ALK: variants seen among roughly 807,000 people sequenced by gnomAD.
ALK encodes the protein ALK receptor tyrosine kinase, also known as ALK tyrosine kinase receptor.
In ALK, 74 loss-of-function variants were observed where a neutral mutation model predicts 163.1. The observed-to-expected ratio is 0.45, with a 90% CI of 0.38 to 0.55. The LOEUF (loss-of-function observed/expected upper bound fraction) is 0.55, where lower values mean the gene tolerates loss of function less well. Ranked by LOEUF, ALK falls within the 20% of genes least tolerant of loss-of-function variation. The pLI is 0.00. For missense variants in ALK, 2,063 were observed against 2,105.3 expected (o/e 0.98, Z 0.39); for synonymous variants, 960 against 843.2 (o/e 1.14, Z -2.40).
At chr2:29,744,694 G>A (rs1680161511) in intron 1 of ALK, among the ~76,000 whole-genome samples, 1 of 152,158 alleles carries the variant, frequency 6.6e-6, no homozygotes. Context: ...TCGACCTTCT[G>A]AGCTGATGCT....
chr2:29,683,328 G>C (rs1196467360), intron 3 of ALK, among the ~76,000 whole-genome samples: 1 of 152,144 alleles, frequency 6.6e-6, no homozygotes, highest in African/African-American at 2.4e-5. Context: ...AGTGAGCTGA[G>C]ATGGTGTCAC....
At chr2:29,754,051 CAA>C (rs962489762) in intron 1 of ALK, among the ~76,000 whole-genome samples, 4 of 152,038 alleles carry the variant, frequency 2.6e-5, no homozygotes, top group Non-Finnish European at 5.9e-5. Flanking sequence ...ATCCAAACAA[CAA>C]AAAGAGAGGA....
At chr2:29,813,794 G>A (rs1437797637) in intron 1 of ALK, among the ~76,000 whole-genome samples, 1 of 152,244 alleles carries the variant, frequency 6.6e-6, no homozygotes, top group East Asian at 1.9e-4. Flanking sequence ...CAATTGTGTG[G>A]CAAATAGCAT....
At chr2:29,338,212 A>G (rs1667683440) in intron 5 of ALK, among the ~76,000 whole-genome samples, 1 of 152,224 alleles carries the variant, frequency 6.6e-6, no homozygotes, top group Non-Finnish European at 1.5e-5. Context: ...CAGCAAAACA[A>G]TAACTGAAAC....
chr2:29,825,026 T>C (rs911758886), intron 1 of ALK, among the ~76,000 whole-genome samples: 1 of 152,212 alleles, frequency 6.6e-6, no homozygotes, highest in African/African-American at 2.4e-5. Flanking sequence ...GCTGTTCTCA[T>C]GATAGTGAGT....
At chr2:29,313,352 C>T (rs986529596) in intron 8 of ALK, among the ~76,000 whole-genome samples, 1 of 152,170 alleles carries the variant, frequency 6.6e-6, no homozygotes, top group African/African-American at 2.4e-5. Context: ...ACCCAATGAA[C>T]AAACTCCATT....
intron 1 of ALK, among the ~76,000 whole-genome samples, chr2:29,840,715 T>A (rs1293381270): frequency 6.6e-6 from 1 of 152,234 alleles, no homozygotes; most frequent in Non-Finnish European, 1.5e-5. Context: ...TCACTAAAAT[T>A]TGAAACATTA....
chr2:29,506,242 G>A (rs188634578), intron 4 of ALK, among the ~76,000 whole-genome samples: 222 of 152,204 alleles, frequency 1.5e-3, no homozygotes, highest in Non-Finnish European at 2.4e-3. Context: ...TTCCAATTCT[G>A]CATGGTTCTT....
intron 3 of ALK, among the ~76,000 whole-genome samples, chr2:29,621,322 G>T (rs1040069019): frequency 2.0e-5 from 3 of 152,094 alleles, no homozygotes; most frequent in African/African-American, 7.2e-5. Flanking sequence ...AGGTAGAAAA[G>T]ATATCTGTTT....
At chr2:29,244,786 T>G (rs1388830720) in intron 12 of ALK, among the ~76,000 whole-genome samples, 3 of 152,248 alleles carry the variant, frequency 2.0e-5, no homozygotes, top group Non-Finnish European at 4.4e-5. Flanking sequence ...GCGATGGCTA[T>G]CCATACAATT....
intron 9 of ALK, 85 bp downstream of exon 9, chr2:29,296,803 A>G: frequency 1.9e-6 from 3 of 1,573,524 alleles, no homozygotes; most frequent in South Asian, 2.2e-5. Flanking sequence ...CTTGGGTAAA[A>G]GGCACGGGGA....
intron 9 of ALK, among the ~76,000 whole-genome samples, chr2:29,284,316 C>T (rs904766426): frequency 1.9e-4 from 28 of 151,338 alleles, no homozygotes; most frequent in Non-Finnish European, 2.9e-4. Context: ...AGGTTCCTGG[C>T]GCGGGGGTGG....
intron 1 of ALK, among the ~76,000 whole-genome samples, chr2:29,909,101 C>G (rs144045330): frequency 5.3e-5 from 8 of 152,302 alleles, no homozygotes; most frequent in Non-Finnish European, 1.2e-4. Flanking sequence ...GCTAGTATGA[C>G]CTAGATCCCA....
chr2:29,728,584 C>G (rs1679641370), intron 1 of ALK, among the ~76,000 whole-genome samples: 1 of 152,196 alleles, frequency 6.6e-6, no homozygotes, highest in African/African-American at 2.4e-5. Context: ...GATGAGGGAT[C>G]TGACTTCATT....
intron 1 of ALK, among the ~76,000 whole-genome samples, chr2:29,839,122 G>A (rs953312144): frequency 5.3e-5 from 8 of 151,996 alleles, no homozygotes; most frequent in Admixed American, 1.3e-4. Context: ...TCTGCAAAGG[G>A]CTCTTAAATT....
chr2:29,218,574 GGGGAGAGA>G (rs1466161531), intron 23 of ALK, among the ~76,000 whole-genome samples: 2 of 152,124 alleles, frequency 1.3e-5, no homozygotes, highest in Non-Finnish European at 2.9e-5. Context: ...GAAAGGGGGA[GGGGAGAGA>G]GGGAGAGATA....
At chr2:29,612,339 TTATC>T (rs1344235285) in intron 3 of ALK, among the ~76,000 whole-genome samples, 3 of 152,172 alleles carry the variant, frequency 2.0e-5, no homozygotes, top group African/African-American at 7.2e-5. Context: ...TTTAAAGTCT[TTATC>T]TGGGTGATTA....
intron 3 of ALK, 118 bp from the exon 4 acceptor site, chr2:29,532,234 TCCTTCTCTGCATGCACCCAG>T: frequency 1.1e-6 from 1 of 941,114 alleles, no homozygotes; most frequent in South Asian, 1.4e-5. Flanking sequence ...GGCCATTATC[TCCTTCTCTGCATGCACCCAG>T]CCTTCTTCCT....
At chr2:29,514,213 T>G (rs371976971) in intron 4 of ALK, among the ~76,000 whole-genome samples, 1 of 147,118 alleles carries the variant, frequency 6.8e-6, no homozygotes, top group Non-Finnish European at 1.5e-5. Flanking sequence ...ATGTTTATTG[T>G]GGCACTATTC....
Sources: gnomAD v4.1 joint callset for allele counts (sites outside exome capture counted in the v4.1 genomes callset) on GRCh38, gnomAD v4.1.1 for gene constraint, MANE v1.5 for transcripts, NCBI Gene and HGNC (gene_info 2026-07-23, HGNC 2026-07-21) for gene names.